Variants in RANBP2 observed in about 807,000 individuals in gnomAD.
RANBP2 encodes the protein E3 SUMO-protein ligase RanBP2.
Under a neutral mutation model 303.6 loss-of-function variants are expected in RANBP2, and 57 were observed. That is an observed-to-expected ratio of 0.19 (90% CI 0.15 to 0.23). The LOEUF (loss-of-function observed/expected upper bound fraction) is 0.23, where lower values mean the gene tolerates loss of function less well. Among genes scored for constraint, RANBP2 ranks in the 10% least tolerant of loss-of-function variants. The pLI is 1.00. For synonymous variants in RANBP2, 1,167 were observed against 1,301.5 expected (o/e 0.90, Z 2.23); for missense variants, 3,138 against 3,780.8 (o/e 0.83, Z 4.46).
chr2:109,488,276 T>A, the RANBP2 span, among the ~76,000 whole-genome samples: 5 of 152,166 alleles, frequency 3.3e-5, no homozygotes, highest in African/African-American at 1.2e-4. Flanking sequence ...CCAACATCCC[T>A]GGGATCTGCC....
At chr2:108,893,317 A>G in the RANBP2 span, among the ~76,000 whole-genome samples, 1 of 152,234 alleles carries the variant, frequency 6.6e-6, no homozygotes, top group African/African-American at 2.4e-5. Flanking sequence ...AACAGACAAA[A>G]TCAAATTTAA....
At chr2:109,535,610 GGTGT>G in the RANBP2 span, among the ~76,000 whole-genome samples, 1 of 152,222 alleles carries the variant, frequency 6.6e-6, no homozygotes, top group African/African-American at 2.4e-5. Context: ...TGTCTCCACA[GGTGT>G]GTTTCTGCAC....
the RANBP2 span, among the ~76,000 whole-genome samples, chr2:109,196,536 G>A: frequency 6.6e-6 from 1 of 152,248 alleles, no homozygotes; most frequent in African/African-American, 2.4e-5. Flanking sequence ...CACCTGTGCT[G>A]AGAGGTCCGT....
At chr2:109,353,424 C>T in the RANBP2 span, among the ~76,000 whole-genome samples, 1 of 152,242 alleles carries the variant, frequency 6.6e-6, no homozygotes, top group Non-Finnish European at 1.5e-5. Context: ...CCTGTCCACA[C>T]CCTTTCTCCT....
the RANBP2 span, among the ~76,000 whole-genome samples, chr2:109,281,566 G>A: frequency 6.6e-6 from 1 of 152,206 alleles, no homozygotes; most frequent in Non-Finnish European, 1.5e-5. Flanking sequence ...CACTGTGGGA[G>A]AGTTAAGGAT....
chr2:109,107,066 T>C, the RANBP2 span, among the ~76,000 whole-genome samples: 1 of 151,386 alleles, frequency 6.6e-6, no homozygotes, highest in Non-Finnish European at 1.5e-5. Context: ...GCCTCCCAAG[T>C]AGCTGGGATT....
In RANBP2 at chr2:108,749,171, C is replaced by A. The variant is rs753329326; in HGVS notation, c.1273+42C>A. On this transcript the variant is annotated intron_variant, in intron 9 of 28. Transcript: ENST00000283195. Reference sequence around the variant, plus strand: ...AGAGGAAATGGTCTCCGTCTTAATTCTTATAAATTGCCCATAATCTTATTA... The same window carrying A: ...AGAGGAAATGGTCTCCGTCTTAATTATTATAAATTGCCCATAATCTTATTA... 365 of 1,611,422 alleles carry A rather than the reference C, an allele frequency of 2.3e-4. 4 individuals are homozygous for A. The East Asian group carries it at 8.1e-3, about 36-fold the overall frequency.
chr2:109,544,416 T>C, the RANBP2 span: 1 of 1,462,576 alleles, frequency 6.8e-7, no homozygotes, highest in Admixed American at 2.5e-5. Context: ...ATAGGATATC[T>C]GGCCATGGGA....
intron 28 of RANBP2, among the ~76,000 whole-genome samples, chr2:108,783,333 T>TAAAAAAAAAAAAAAAAAAAAAAAAAAA (rs71381992): frequency 2.4e-5 from 1 of 41,456 alleles, no homozygotes; most frequent in African/African-American, 1.1e-4. Flanking sequence ...AGCCTGTCAT[T>TAAAAAAAAAAAAAAAAAAAAAAAAAAA]AAAAAAAAAA....
chr2:108,944,044 A>T, the RANBP2 span, among the ~76,000 whole-genome samples: 1 of 152,366 alleles, frequency 6.6e-6, no homozygotes, highest in Admixed American at 6.5e-5. Flanking sequence ...AGGAATGTAC[A>T]CAGGCAATTG....
the RANBP2 span, chr2:108,805,085 C>A: frequency 1.3e-6 from 1 of 756,938 alleles, no homozygotes; most frequent in Non-Finnish European, 1.9e-6. Context: ...TTAAAGTCAG[C>A]CTTAGAACAC....
the RANBP2 span, among the ~76,000 whole-genome samples, chr2:108,813,387 A>G: frequency 5.9e-5 from 9 of 151,970 alleles, no homozygotes; most frequent in Non-Finnish European, 1.3e-4. Flanking sequence ...CACCATAATA[A>G]TTTTTTAATA....
At chr2:109,769,343 GT>G in the RANBP2 span, among the ~76,000 whole-genome samples, 1 of 110,144 alleles carries the variant, frequency 9.1e-6, no homozygotes, top group African/African-American at 3.9e-5. Flanking sequence ...CCTAGCTGCG[GT>G]TTCCATGTGT....
the RANBP2 span, among the ~76,000 whole-genome samples, chr2:109,400,573 G>A: frequency 1.4e-5 from 2 of 144,324 alleles, no homozygotes; most frequent in African/African-American, 2.9e-5. Context: ...ACACACCTGT[G>A]CGCACACACA....
At chr2:109,455,555 A>G in the RANBP2 span, among the ~76,000 whole-genome samples, 1 of 152,184 alleles carries the variant, frequency 6.6e-6, no homozygotes, top group Admixed American at 6.5e-5. Flanking sequence ...ATGATATTAT[A>G]TAGGAGTGTG....
chr2:108,817,475 T>C, the RANBP2 span, among the ~76,000 whole-genome samples: 2 of 152,034 alleles, frequency 1.3e-5, no homozygotes, highest in Non-Finnish European at 2.9e-5. Context: ...GTATTTTTAG[T>C]AGAGACGGGG....
the RANBP2 span, chr2:109,490,910 C>G: frequency 1.1e-5 from 16 of 1,511,692 alleles, no homozygotes; most frequent in Admixed American, 2.0e-5. Flanking sequence ...CCATCCGCCC[C>G]GAGCCCAAGC....
chr2:108,974,157 G>A, the RANBP2 span, among the ~76,000 whole-genome samples: 143 of 149,026 alleles, frequency 9.6e-4, no homozygotes, highest in Admixed American at 2.5e-3. Flanking sequence ...GTGAAACCCC[G>A]TCTCTACTAA....
At chr2:109,514,269 C>T in the RANBP2 span, among the ~76,000 whole-genome samples, 2 of 152,174 alleles carry the variant, frequency 1.3e-5, no homozygotes, top group Non-Finnish European at 2.9e-5. Context: ...AACTTGGTTA[C>T]GGCTCTGAGC....
Sources: allele counts gnomAD v4.1 joint callset (sites outside exome capture counted in the v4.1 genomes callset), GRCh38; gene constraint gnomAD v4.1.1; transcripts MANE v1.5; gene names NCBI Gene and HGNC (gene_info 2026-07-23, HGNC 2026-07-21).